Variants in ARHGEF12 observed in about 807,000 individuals in gnomAD.
ARHGEF12 encodes the protein KMT2A/ARHGEF12 fusion protein.
A neutral mutation model predicts 211.2 loss-of-function variants in ARHGEF12; 66 were observed. That is an observed-to-expected ratio of 0.31 (90% CI 0.26 to 0.38). ARHGEF12 has a LOEUF of 0.38. Among genes scored for constraint, ARHGEF12 ranks in the 10% least tolerant of loss-of-function variants. The pLI is 1.00. For missense variants in ARHGEF12, 1,429 were observed against 1,869.5 expected, an observed-to-expected ratio of 0.76 and a Z score of 4.34; for synonymous variants, 592 against 638.4, an observed-to-expected ratio of 0.93 and a Z score of 1.09.
intron 10 of ARHGEF12, 114 bp downstream of exon 10, chr11:120,429,945 A>G: frequency 8.5e-7 from 1 of 1,172,872 alleles, no homozygotes; most frequent in Non-Finnish European, 1.2e-6. Flanking sequence ...AGCGTAGGAC[A>G]ACAGGATGTC....
chr11:120,439,919 C>G (rs772014842), intron 12 of ARHGEF12: 17 of 481,000 alleles, frequency 3.5e-5, no homozygotes, highest in Non-Finnish European at 6.2e-5. Context: ...AAAAAAAACT[C>G]GTTGTTGTGG....
At position 120,478,305 on chromosome 11, in the gene ARHGEF12, G is replaced by C. The variant is rs781779257; in HGVS notation, c.3682G>C (p.Val1228Leu). ...ACATACAGATGGGACACTAAAGGAAGTTGGAGAAGATTATCAAATCGCAAT... is the reference window on the plus strand; with the variant it reads ...ACATACAGATGGGACACTAAAGGAACTTGGAGAAGATTATCAAATCGCAAT... ...EQHTDGTLKEVGEDYQIAIPD... is the reference protein window; with the variant it reads ...EQHTDGTLKELGEDYQIAIPD... The change falls in exon 37 of 41, where the codon GTT becomes CTT. Residue 1228 changes from valine to leucine, a missense_variant. By Grantham distance (32) the Val-to-Leu change is conservative (BLOSUM62 1). This residue lies in a region of ARHGEF12 where 467 missense variants were observed against 468.4 expected (regional missense o/e 1.00). Coordinates refer to ENST00000397843, the MANE Select transcript of ARHGEF12 (RefSeq NM_015313.3). 4.3e-6 allele frequency: 7 copies of C among 1,614,080 alleles called. No homozygotes were observed. The highest frequency in any genetic ancestry group is 4.2e-6 in the Non-Finnish European group (5 of 1,180,044).
chr11:120,457,050 A>AT (rs1946384417), intron 22 of ARHGEF12, 68 bp from the exon 23 acceptor site: 58 of 1,513,452 alleles, frequency 3.8e-5, no homozygotes, highest in East Asian at 9.3e-5. Flanking sequence ...CTGGGAACTA[A>AT]TTTTTTTTGG....
Position 120,465,376 on chromosome 11 carries a change from G to A in ARHGEF12, c.2739+14G>A. 6.2e-7 allele frequency: 1 copy of A among 1,612,538 alleles called. No homozygotes were observed. The highest frequency in any genetic ancestry group is 8.5e-7 in the Non-Finnish European group (1 of 1,179,504). ...ACTTTTGTGCAAGTGAGTTGAGTGA[G>A]TCATGTAAGAAAAAAAATAAGGCAA... On this transcript the variant is annotated intron_variant, in intron 28 of 40. Coordinates refer to ENST00000397843, the MANE Select transcript of ARHGEF12 (RefSeq NM_015313.3).
At chr11:120,345,208 C>T (rs1942667027) in intron 1 of ARHGEF12, among the ~76,000 whole-genome samples, 1 of 152,132 alleles carries the variant, frequency 6.6e-6, no homozygotes, top group African/African-American at 2.4e-5. Context: ...TTTACTGGCC[C>T]ATCCAGAAAC....
intron 1 of ARHGEF12, among the ~76,000 whole-genome samples, chr11:120,361,670 A>G (rs921412940): frequency 6.6e-6 from 1 of 152,204 alleles, no homozygotes; most frequent in Non-Finnish European, 1.5e-5. Context: ...GGAATCCTTA[A>G]CTGGTCCTTT....
chr11:120,406,798 T>G (rs1156409200), intron 2 of ARHGEF12, among the ~76,000 whole-genome samples: 6 of 152,156 alleles, frequency 3.9e-5, no homozygotes, highest in Non-Finnish European at 7.4e-5. Context: ...GACCTCGTGA[T>G]TCGCCCGCCT....
At chr11:120,465,003 C>CA (rs141433804) in intron 27 of ARHGEF12, 84,321 of 475,910 alleles carry the variant, frequency 0.18, 7,887 homozygotes, top group Non-Finnish European at 0.21. Context: ...AACACTGTCT[C>CA]AAAAAAAAGA....
chr11:120,347,216 C>CTCTTTCTT (rs1942787127), intron 1 of ARHGEF12, among the ~76,000 whole-genome samples: 2 of 133,840 alleles, frequency 1.5e-5, no homozygotes, highest in South Asian at 2.4e-4. Context: ...CTTTCTTTTT[C>CTCTTTCTT]TTTCTTTCTT....
At position 120,456,673 on chromosome 11, in the gene ARHGEF12, C is replaced by T. The variant is rs191495184; in HGVS notation, c.2057-445C>T. On this transcript the variant is annotated intron_variant, in intron 22 of 40. Coordinates refer to ENST00000397843, the MANE Select transcript of ARHGEF12 (RefSeq NM_015313.3). The stretch of plus-strand genomic sequence containing the variant: ...CTGTGTGAGTCCTTGCTATTTCTTA[C>T]GTTAATTTTTAAGAAACAGTTTTAA... 9.9e-5 allele frequency among the ~76,000 whole-genome samples: 15 copies of T among 152,200 alleles called. No homozygotes were observed. The East Asian group carries it at 1.5e-3, about 16-fold the overall frequency.
chr11:120,442,483 T>C (rs909504849), intron 15 of ARHGEF12, among the ~76,000 whole-genome samples: 2 of 149,272 alleles, frequency 1.3e-5, no homozygotes, highest in South Asian at 2.1e-4. Context: ...CACACACACA[T>C]ATTTGTGTTT....
At chr11:120,388,675 C>G (rs1027826424) in intron 1 of ARHGEF12, among the ~76,000 whole-genome samples, 11 of 152,028 alleles carry the variant, frequency 7.2e-5, no homozygotes, top group Non-Finnish European at 1.5e-4. Context: ...GTGATGGTAT[C>G]ATATTGTAGT....
At position 120,446,955 on chromosome 11, in the gene ARHGEF12, C is replaced by T. The variant is rs963893223; in HGVS notation, c.1459C>T (p.Arg487Cys). The change falls in exon 18 of 41, where the codon CGT becomes TGT. Residue 487 changes from arginine to cysteine, a missense_variant. Physicochemically the swap from Arg to Cys is radical, Grantham distance 180 (BLOSUM62 -3). Around this residue, in one of 7 missense-constraint regions of ARHGEF12, gnomAD observed 373 missense variants for 467.5 expected, o/e 0.80. Coordinates refer to ENST00000397843, the MANE Select transcript of ARHGEF12 (RefSeq NM_015313.3). ...CTTCTCTATTCCCTTCAGGCAGAAA[C>T]GTAGTATGGGACTGACCTTGGCTGA... ...QRHLEDFRQK[R>C]SMGLTLAESE... 1 of 1,613,398 alleles carries T rather than the reference C, an allele frequency of 6.2e-7. No individual in the cohort carries two copies. The highest frequency in any genetic ancestry group is 8.5e-7 in the Non-Finnish European group (1 of 1,179,824).
rs1473577586 is a variant in ARHGEF12, at chr11:120,405,141, T to C, written c.33-977T>C. Reference sequence around the variant, plus strand: ...GTTTCTACCTCCATGCCAAATGAAATGTAGTCATTGAAGTATCATTGTATT... The same window carrying C: ...GTTTCTACCTCCATGCCAAATGAAACGTAGTCATTGAAGTATCATTGTATT... On this transcript the variant is annotated intron_variant, in intron 1 of 40. Coordinates refer to ENST00000397843, the MANE Select transcript of ARHGEF12 (RefSeq NM_015313.3). 2.0e-5 allele frequency among the ~76,000 whole-genome samples: 3 copies of C among 152,208 alleles called. No individual in the cohort carries two copies. In the East Asian group the frequency reaches 5.8e-4, roughly 29 times the overall value.
At chr11:120,345,922 T>C (rs1942706458) in intron 1 of ARHGEF12, among the ~76,000 whole-genome samples, 1 of 152,104 alleles carries the variant, frequency 6.6e-6, no homozygotes, top group Non-Finnish European at 1.5e-5. Context: ...TTTTATTTTT[T>C]AATACTGAAA....
intron 1 of ARHGEF12, among the ~76,000 whole-genome samples, chr11:120,380,869 G>A (rs1295588742): frequency 6.6e-6 from 1 of 152,166 alleles, no homozygotes; most frequent in East Asian, 1.9e-4. Context: ...TATACTTTGA[G>A]TTCTAATGCT....
intron 1 of ARHGEF12, among the ~76,000 whole-genome samples, chr11:120,345,842 C>T (rs548349100): frequency 1.3e-4 from 20 of 151,238 alleles, no homozygotes; most frequent in African/African-American, 3.6e-4. Flanking sequence ...TTAGCTAATA[C>T]GTGAGTTCTT....
At chr11:120,343,780 A>G (rs1942608961) in intron 1 of ARHGEF12, among the ~76,000 whole-genome samples, 1 of 152,202 alleles carries the variant, frequency 6.6e-6, no homozygotes, top group Non-Finnish European at 1.5e-5. Flanking sequence ...AATGCTTTCA[A>G]TTAGCTGCTT....
At chr11:120,363,154 C>G (rs139258248) in intron 1 of ARHGEF12, among the ~76,000 whole-genome samples, 92 of 152,236 alleles carry the variant, frequency 6.0e-4, no homozygotes, top group African/African-American at 2.1e-3. Context: ...TTAAAATTGG[C>G]AAATGAATGT....
Sources: gnomAD v4.1 joint callset for allele counts (sites outside exome capture counted in the v4.1 genomes callset) on GRCh38, gnomAD v4.1.1 for gene constraint, gnomAD v4.1.1 regional missense constraint, MANE v1.5 for transcripts, NCBI Gene and HGNC (gene_info 2026-07-23, HGNC 2026-07-21) for gene names.